The following ODAD2 variants were observed in gnomAD, a reference collection of about 807,000 sequenced individuals.
The protein encoded by ODAD2 is outer dynein arm-docking complex subunit 2.
In ODAD2, 89 loss-of-function variants were observed where a neutral mutation model predicts 106.8. That is an observed-to-expected ratio of 0.83 (90% CI 0.70 to 0.99). The LOEUF (loss-of-function observed/expected upper bound fraction) is 0.99, where lower values mean the gene tolerates loss of function less well. Among genes scored for constraint, ODAD2 ranks in the 50% least tolerant of loss-of-function variants. The pLI, the probability that ODAD2 is intolerant of heterozygous loss-of-function variation, is 0.00. For synonymous variants in ODAD2, 404 were observed against 436.2 expected (o/e 0.93, Z 0.92); for missense variants, 1,168 against 1,238.5 (o/e 0.94, Z 0.85).
chr10:27,906,261 A>G (rs1843580571), intron 17 of ODAD2, among the ~76,000 whole-genome samples: 1 of 152,202 alleles, frequency 6.6e-6, no homozygotes, highest in South Asian at 2.1e-4. Flanking sequence ...TATGAAAAAA[A>G]GCTCATCATC....
chr10:27,917,553 C>T (rs1230426284), intron 16 of ODAD2, among the ~76,000 whole-genome samples: 1 of 151,570 alleles, frequency 6.6e-6, no homozygotes, highest in African/African-American at 2.4e-5. Context: ...AGGGAATAGA[C>T]AAAAATAGAG....
At chr10:27,974,609 C>T (rs1849068905) in intron 7 of ODAD2, among the ~76,000 whole-genome samples, 2 of 151,240 alleles carry the variant, frequency 1.3e-5, no homozygotes, top group Non-Finnish European at 2.9e-5. Context: ...TATGCCAGTA[C>T]CATGTTGTTT....
intron 16 of ODAD2, among the ~76,000 whole-genome samples, chr10:27,917,113 T>A (rs1227367290): frequency 6.6e-6 from 1 of 152,154 alleles, no homozygotes; most frequent in Non-Finnish European, 1.5e-5. Flanking sequence ...AAATGGAATA[T>A]TGACAAATAC....
At chr10:27,905,606 A>C (rs1843531719) in intron 17 of ODAD2, among the ~76,000 whole-genome samples, 1 of 152,216 alleles carries the variant, frequency 6.6e-6, no homozygotes, top group Non-Finnish European at 1.5e-5. Context: ...ACACTACCTG[A>C]CTTCAAACTA....
chr10:27,838,214 C>T, intron 19 of ODAD2, among the ~76,000 whole-genome samples: 1 of 152,090 alleles, frequency 6.6e-6, no homozygotes, highest in East Asian at 1.9e-4. Context: ...TTTCTGAGTG[C>T]CAAAAACTAC....
intron 9 of ODAD2, among the ~76,000 whole-genome samples, chr10:27,963,071 A>C (rs958966357): frequency 6.6e-6 from 1 of 151,200 alleles, no homozygotes; most frequent in Admixed American, 6.6e-5. Context: ...GCAGTGGTGC[A>C]ATCTTGGCTC....
At chr10:27,850,516 T>G (rs915505411) in intron 19 of ODAD2, among the ~76,000 whole-genome samples, 2 of 150,636 alleles carry the variant, frequency 1.3e-5, no homozygotes, top group African/African-American at 4.9e-5. Context: ...GATATCGTAC[T>G]ACTACACTCT....
At chr10:27,961,867 C>T in intron 9 of ODAD2, 152 bp from the exon 10 acceptor site, 1 of 602,726 alleles carries the variant, frequency 1.7e-6, no homozygotes. Context: ...GAGTTCAACA[C>T]CAGCCTGGAC....
At position 27,907,014 on chromosome 10, in the gene ODAD2, T is replaced by A. The variant is rs375859898; in HGVS notation, c.2610+649A>T. ...GTATCCCAGAACTTAGAGTATAATT[T>A]AAAAAAAAATTCAACAGGCAGAAAT... On this transcript the variant is annotated intron_variant, in intron 17 of 19. Coordinates refer to ENST00000305242, the MANE Select transcript of ODAD2 (RefSeq NM_018076.5). Among the ~76,000 whole-genome samples the A allele has an allele frequency of 4.1e-4, 62 of 151,514 alleles. 1 individual carries two copies. The highest frequency in any genetic ancestry group is 1.3e-3 in the African/African-American group (52 of 41,330).
chr10:27,940,506 T>C, intron 13 of ODAD2, 57 bp downstream of exon 13: 2 of 1,596,700 alleles, frequency 1.3e-6, no homozygotes, highest in South Asian at 2.3e-5. Flanking sequence ...AGAAACAACT[T>C]TTGGACTAAA....
At chr10:27,945,468 A>G (rs1422245684) in intron 10 of ODAD2, among the ~76,000 whole-genome samples, 2 of 152,188 alleles carry the variant, frequency 1.3e-5, no homozygotes, top group Admixed American at 6.5e-5. Flanking sequence ...TTGGGAAAAG[A>G]GAGGCAATTC....
chr10:27,992,961 G>A (rs1240548438), intron 2 of ODAD2, among the ~76,000 whole-genome samples: 1 of 152,038 alleles, frequency 6.6e-6, no homozygotes, highest in Non-Finnish European at 1.5e-5. Context: ...TGTCACCCAG[G>A]CTGGAGTTCT....
At chr10:27,834,142 A>C (rs6481484) in intron 19 of ODAD2, among the ~76,000 whole-genome samples, 108,380 of 152,086 alleles carry the variant, frequency 0.71, 38,735 homozygotes, top group Middle Eastern at 0.75. Flanking sequence ...GACAAGTCCT[A>C]TGAATGCATT....
At chr10:27,942,091 G>A (rs546475729) in intron 12 of ODAD2, among the ~76,000 whole-genome samples, 5 of 152,288 alleles carry the variant, frequency 3.3e-5, no homozygotes, top group African/African-American at 1.2e-4. Context: ...GAACACAGAT[G>A]CACAACAATA....
chr10:27,918,311 T>C (rs1844536904), intron 16 of ODAD2, among the ~76,000 whole-genome samples: 1 of 151,870 alleles, frequency 6.6e-6, no homozygotes, highest in Non-Finnish European at 1.5e-5. Flanking sequence ...ATGAAAAAGG[T>C]AATGCAATAT....
chr10:27,827,921 C>T (rs1231868882), intron 19 of ODAD2, among the ~76,000 whole-genome samples: 4 of 152,098 alleles, frequency 2.6e-5, no homozygotes, highest in African/African-American at 4.8e-5. Context: ...CTATATATTA[C>T]TTGTGCTACT....
At chr10:27,929,322 T>C (rs1056616466) in intron 16 of ODAD2, among the ~76,000 whole-genome samples, 8 of 152,176 alleles carry the variant, frequency 5.3e-5, no homozygotes, top group Non-Finnish European at 8.8e-5. Flanking sequence ...TTTTGTACCA[T>C]GTCTATTGAC....
intron 17 of ODAD2, among the ~76,000 whole-genome samples, chr10:27,879,610 A>G (rs545340570): frequency 3.9e-4 from 59 of 152,196 alleles, no homozygotes; most frequent in African/African-American, 1.2e-3. Flanking sequence ...TAATTACAAG[A>G]AAAAAATCTA....
At chr10:27,940,487 G>T in intron 13 of ODAD2, 76 bp downstream of exon 13, 2 of 1,555,510 alleles carry the variant, frequency 1.3e-6, no homozygotes, top group South Asian at 1.2e-5. Flanking sequence ...GAGCCATCAT[G>T]ATAACCTTAG....
Sources: allele counts gnomAD v4.1 joint callset (sites outside exome capture counted in the v4.1 genomes callset), GRCh38; gene constraint gnomAD v4.1.1; transcripts MANE v1.5; gene names NCBI Gene and HGNC (gene_info 2026-07-23, HGNC 2026-07-21).